Variants in ZNF284 observed in about 807,000 individuals in gnomAD.
The protein encoded by ZNF284 is zinc finger protein 284.
A neutral mutation model predicts 12.9 loss-of-function variants in ZNF284; 12 were observed. The ratio of observed to expected loss-of-function variants is 0.93; its 90% CI spans 0.60 to 1.51. The LOEUF (loss-of-function observed/expected upper bound fraction) is 1.51, where lower values mean the gene tolerates loss of function less well. Among genes scored for constraint, ZNF284 ranks in the 40% most tolerant of loss-of-function variants. The pLI, the probability that ZNF284 is intolerant of heterozygous loss-of-function variation, is 0.00. For synonymous variants in ZNF284, 225 were observed against 236.5 expected, an observed-to-expected ratio of 0.95 and a Z score of 0.45; for missense variants, 667 against 707.3, an observed-to-expected ratio of 0.94 and a Z score of 0.65.
Position 44,086,609 on chromosome 19 carries a change from G to A in ZNF284, c.1131G>A (p.Gly377=). ...AACCATATAATTGTAATGTATGTGGGAAGGGCTTCAGGTGGTCCTCATGTC... is the reference window on the plus strand; with the variant it reads ...AACCATATAATTGTAATGTATGTGGAAAGGGCTTCAGGTGGTCCTCATGTC... The part of the protein sequence containing the change: ...GDKPYNCNVC[G]KGFRWSSCLS... The change falls in exon 5 of 5, where the codon GGG becomes GGA. Residue 377 remains glycine, a synonymous_variant. Transcript: ENST00000421176. 1 of 1,614,194 alleles carries A rather than the reference G, an allele frequency of 6.2e-7. No homozygotes were observed. Among genetic ancestry groups the A allele is most frequent in the African/African-American group, 1.3e-5 (1 of 75,034 alleles).
At chr19:44,080,827 T>C (rs1011180414) in intron 2 of ZNF284, among the ~76,000 whole-genome samples, 188 bp from the exon 3 acceptor site, 15 of 152,210 alleles carry the variant, frequency 9.9e-5, no homozygotes, top group African/African-American at 3.1e-4. Context: ...ATTGCACTTC[T>C]GGTGGAGCTC....
chr19:44,088,288 G>C lies in ZNF284; in HGVS notation c.*1028G>C, dbSNP rs577902722. ...GAAAACATGTGGTATTTATCTTTCT[G>C]GGCCTGAATTTACATCACTCAACAT... On this transcript the variant is annotated 3_prime_UTR_variant, in exon 5 of 5. Coordinates refer to ENST00000421176, the MANE Select transcript of ZNF284 (RefSeq NM_001037813.4). 4 of 152,296 alleles carry C rather than the reference G, an allele frequency of 2.6e-5. No homozygotes were observed. The East Asian group carries it at 7.7e-4, about 29-fold the overall frequency. The allele number at this position is 152,296 out of a possible 1,614,324, so 9.4% of individuals were successfully genotyped here. A position where few individuals can be genotyped will look rare whatever the true frequency, so the allele number is the denominator to read the frequency against.
At chr19:44,080,942 AC>A in intron 2 of ZNF284, 72 bp from the exon 3 acceptor site, 1 of 1,544,672 alleles carries the variant, frequency 6.5e-7, no homozygotes, top group East Asian at 2.4e-5. Flanking sequence ...CATCCCCTTC[AC>A]CTGCTCATTG....
chr19:44,081,114 G>A lies in ZNF284; in HGVS notation c.115G>A (p.Glu39Lys). Residue 39 changes from glutamate (E) to lysine (K), a missense_variant, in exon 3 of 5, where the codon GAG (glutamate) becomes AAG (lysine). Glu to Lys is a moderately conservative substitution (Grantham distance 56). Coordinates refer to ENST00000421176, the MANE Select transcript of ZNF284 (RefSeq NM_001037813.4). ...GAAGCTGTATCGAGATGTCATGCTG[G>A]AGAACTTCAGAAACCTGCTATCAGT... ...QRKLYRDVML[E>K]NFRNLLSVGH... is the part of the protein sequence containing the mutation. 1 of 1,612,734 alleles carries A rather than the reference G, an allele frequency of 6.2e-7. No individual in the cohort carries two copies. Among genetic ancestry groups the A allele is most frequent in the South Asian group, 1.1e-5 (1 of 91,062 alleles).
intron 2 of ZNF284, among the ~76,000 whole-genome samples, chr19:44,078,222 T>C (rs1967064492): frequency 6.6e-6 from 1 of 152,212 alleles, no homozygotes. Context: ...TTTGAAAAGG[T>C]GATAGTATTA....
In ZNF284 at chr19:44,088,835, T is replaced by TC. The variant is rs1367808520; in HGVS notation, c.*1576dup. ...CAAGAATTGGCTTTTTTTTTTTTTTTCTTTTGAGACAGTCTTGCTCTGTCA... is the reference window on the plus strand; with the variant it reads ...CAAGAATTGGCTTTTTTTTTTTTTTTCCTTTTGAGACAGTCTTGCTCTGTCA... On this transcript the variant is annotated 3_prime_UTR_variant, in exon 5 of 5. Transcript: ENST00000421176. 3 of 150,054 alleles carry TC rather than the reference T, an allele frequency of 2.0e-5. No homozygotes were observed. The highest frequency in any genetic ancestry group is 7.6e-5 in the African/African-American group (3 of 39,696). The allele number at this position is 150,054 out of a possible 1,614,324, so 9.3% of individuals were successfully genotyped here. A position where few individuals can be genotyped will look rare whatever the true frequency, so the allele number is the denominator to read the frequency against.
chr19:44,082,020 A>G lies in ZNF284; in HGVS notation c.150A>G (p.Gln50=), dbSNP rs1197250850. The G allele has an allele frequency of 1.9e-6, 3 of 1,612,832 alleles. No individual in the cohort carries two copies. Among genetic ancestry groups the G allele is most frequent in the Admixed American group, 3.3e-5 (2 of 59,936 alleles). ...ATGTGACTTTGTTCACAGGGCATCA[A>G]CTTTCCCACCGAGATACTTTTCACT... is the stretch of plus-strand genomic sequence containing the variant. ...NFRNLLSVGH[Q]LSHRDTFHFQ... is the part of the protein sequence containing the mutation. The change falls in exon 4 of 5, where the codon CAA becomes CAG. Residue 50 remains glutamine (Q), a synonymous_variant. Coordinates refer to ENST00000421176, the MANE Select transcript of ZNF284 (RefSeq NM_001037813.4).
In ZNF284 at chr19:44,086,770, AGT is replaced by A. The variant is rs769795334; in HGVS notation, c.1296_1297del (p.Cys432TrpfsTer6). ...GAAGAAGAACTGTATAAATGTCAGA[AGT>A]GTGGGAAGGGCTACATTAGTAAGTT... On this transcript the variant is annotated frameshift_variant, in exon 5 of 5. Transcript: ENST00000421176. LOFTEE classifies it low-confidence loss of function (END_TRUNC). 1.2e-6 allele frequency: 2 copies of A among 1,614,144 alleles called. No individual in the cohort carries two copies. Among genetic ancestry groups the A allele is most frequent in the East Asian group, 4.5e-5 (2 of 44,876 alleles).
Position 44,087,299 on chromosome 19 carries a change from C to T in ZNF284, c.*39C>T, listed in dbSNP as rs1967277882. The T allele has an allele frequency of 7.4e-7, 1 of 1,360,442 alleles. No individual in the cohort carries two copies. Among genetic ancestry groups the T allele is most frequent in the Non-Finnish European group, 9.9e-7 (1 of 1,010,410 alleles). The allele number at this position is 1,360,442 out of a possible 1,614,324, so 84.3% of individuals were successfully genotyped here. ...TTATGGGTTACAGCATATTTCAATA[C>T]ATGTATACAATGTATAATGATCAAA... is the stretch of plus-strand genomic sequence containing the variant. On this transcript the variant is annotated 3_prime_UTR_variant, in exon 5 of 5. Transcript: ENST00000421176.
chr19:44,086,169 T>C lies in ZNF284; in HGVS notation c.691T>C (p.Phe231Leu), dbSNP rs577605967. 18 of 1,614,186 alleles carry C rather than the reference T, an allele frequency of 1.1e-5. No homozygotes were observed. The East Asian group carries it at 3.6e-4, about 32-fold the overall frequency. The part of the protein sequence containing the change: ...HQRIHTGEKP[F>L]KCEQCGKSFS... ...GAGAATCCACACTGGAGAGAAACCA[T>C]TCAAATGTGAGCAGTGTGGGAAAAG... The change falls in exon 5 of 5, where the codon TTC (phenylalanine) becomes CTC (leucine). Residue 231 changes from phenylalanine to leucine, a missense_variant. Phe to Leu is a conservative substitution (Grantham distance 22). Transcript: ENST00000421176.
At chr19:44,081,988 A>T in intron 3 of ZNF284, 25 bp from the exon 4 acceptor site, 1 of 1,594,576 alleles carries the variant, frequency 6.3e-7, no homozygotes, top group East Asian at 2.2e-5. Flanking sequence ...ATGTATTGGG[A>T]TTAAGCATGT....
rs754162915 is a variant in ZNF284, at chr19:44,082,124, T to C, written c.235+19T>C. 6.3e-7 allele frequency: 1 copy of C among 1,592,642 alleles called. No homozygotes were observed. Among genetic ancestry groups the C allele is most frequent in the Non-Finnish European group, 8.6e-7 (1 of 1,161,272 alleles). ...AATTCAGGTAAGAACCAAGCAACGA[T>C]GCATCCTTGTACGTGACCCTTCCAT... On this transcript the variant is annotated intron_variant, in intron 4 of 4. Coordinates refer to ENST00000421176, the MANE Select transcript of ZNF284 (RefSeq NM_001037813.4).
intron 4 of ZNF284, chr19:44,085,220 T>C (rs1221586966): frequency 2.6e-5 from 4 of 153,536 alleles, no homozygotes; most frequent in African/African-American, 9.6e-5. Flanking sequence ...ATAAAATATA[T>C]AGAACACTTC....
chr19:44,076,283 G>GT, intron 1 of ZNF284, 39 bp from the exon 2 acceptor site: 1 of 1,163,290 alleles, frequency 8.6e-7, no homozygotes, highest in Non-Finnish European at 1.2e-6. Flanking sequence ...ACCCCTTCAT[G>GT]TCTCTTTTTT....
At chr19:44,081,897 T>C in intron 3 of ZNF284, 116 bp from the exon 4 acceptor site, 1 of 727,874 alleles carries the variant, frequency 1.4e-6, no homozygotes, top group Admixed American at 2.4e-5. Context: ...AAGATGAGAT[T>C]TGGGGACACC....
rs1967284369 is a variant in ZNF284 at position 44,087,633 on chromosome 19, C to T, written c.*373C>T. On this transcript the variant is annotated 3_prime_UTR_variant, in exon 5 of 5. Coordinates refer to ENST00000421176, the MANE Select transcript of ZNF284 (RefSeq NM_001037813.4). Reference sequence around the variant, plus strand: ...TTTTTTTTTTTGAGAACAGAGTCTTCCAGGCTTGAGTGTAGTGGCATGATC... The same window carrying T: ...TTTTTTTTTTTGAGAACAGAGTCTTTCAGGCTTGAGTGTAGTGGCATGATC... 1 of 134,030 alleles carries T rather than the reference C, an allele frequency of 7.5e-6. No individual in the cohort carries two copies. Among genetic ancestry groups the T allele is most frequent in the Non-Finnish European group, 1.5e-5 (1 of 67,620 alleles). 8.3% of individuals were successfully genotyped at this position (134,030 alleles called of 1,614,324 possible). A position where few individuals can be genotyped will look rare whatever the true frequency, so the allele number is the denominator to read the frequency against.
chr19:44,078,841 A>T (rs1967072958), intron 2 of ZNF284, among the ~76,000 whole-genome samples: 1 of 151,988 alleles, frequency 6.6e-6, no homozygotes, highest in Non-Finnish European at 1.5e-5. Context: ...CCCAGGCTGG[A>T]GTGCAGTGGC....
chr19:44,084,207 G>C (rs1008120358), intron 4 of ZNF284, among the ~76,000 whole-genome samples: 5 of 152,196 alleles, frequency 3.3e-5, no homozygotes, highest in African/African-American at 1.2e-4. Flanking sequence ...TAGGTCCCCA[G>C]ATGGCATGCT....
At chr19:44,078,365 G>A (rs1259039900) in intron 2 of ZNF284, among the ~76,000 whole-genome samples, 1 of 152,088 alleles carries the variant, frequency 6.6e-6, no homozygotes, top group Admixed American at 6.5e-5. Context: ...GAAAGATTTT[G>A]GAGTTTGAGA....
Sources: gnomAD v4.1 joint callset for allele counts (sites outside exome capture counted in the v4.1 genomes callset) on GRCh38, gnomAD v4.1.1 for gene constraint, MANE v1.5 for transcripts, NCBI Gene and HGNC (gene_info 2026-07-23, HGNC 2026-07-21) for gene names.